The following CASQ2 variants were observed in gnomAD, a reference collection of about 807,000 sequenced individuals.
CASQ2 encodes calsequestrin 2, also known as calsequestrin-2.
A neutral mutation model predicts 46.5 loss-of-function variants in CASQ2; 49 were observed. That is an observed-to-expected ratio of 1.05 (90% CI 0.84 to 1.34). The LOEUF (loss-of-function observed/expected upper bound fraction) is 1.34, where lower values mean the gene tolerates loss of function less well. Ranked by LOEUF, CASQ2 falls within the 40% of genes most tolerant of loss-of-function variation. CASQ2 has a pLI of 0.00. For synonymous variants in CASQ2, 174 were observed against 168.5 expected (o/e 1.03, Z -0.25); for missense variants, 486 against 481.3 (o/e 1.01, Z -0.09).
intron 8 of CASQ2, among the ~76,000 whole-genome samples, chr1:115,705,834 T>A (rs1406159279): frequency 7.0e-6 from 1 of 141,998 alleles, no homozygotes; most frequent in Non-Finnish European, 1.6e-5. Context: ...CCCTCCCTAT[T>A]TCCTTGTATA....
intron 1 of CASQ2, among the ~76,000 whole-genome samples, chr1:115,751,023 T>C (rs984264543): frequency 4.3e-4 from 63 of 147,834 alleles, no homozygotes; most frequent in African/African-American, 1.5e-3. Context: ...GAGACCCGTA[T>C]TATTGACTTG....
At chr1:115,734,581 T>G (rs1268566926) in intron 4 of CASQ2, among the ~76,000 whole-genome samples, 1 of 152,180 alleles carries the variant, frequency 6.6e-6, no homozygotes, top group African/African-American at 2.4e-5. Flanking sequence ...GGAGCTCAGG[T>G]CATCTCTAGG....
intron 6 of CASQ2, among the ~76,000 whole-genome samples, chr1:115,726,337 T>A (rs908235819): frequency 6.6e-6 from 1 of 152,218 alleles, no homozygotes; most frequent in Non-Finnish European, 1.5e-5. Context: ...AAATAAACTT[T>A]TACTGGTACA....
intron 4 of CASQ2, among the ~76,000 whole-genome samples, chr1:115,734,316 C>T (rs560009007): frequency 6.6e-6 from 1 of 152,294 alleles, no homozygotes; most frequent in East Asian, 1.9e-4. Context: ...AATCCTCTAT[C>T]CCCCTCTTTT....
chr1:115,768,070 C>T (rs751573514), intron 1 of CASQ2, among the ~76,000 whole-genome samples: 20 of 152,184 alleles, frequency 1.3e-4, no homozygotes, highest in South Asian at 6.2e-4. Flanking sequence ...GACTTTACAT[C>T]AGACCCATCG....
intron 2 of CASQ2, among the ~76,000 whole-genome samples, chr1:115,741,560 A>T (rs10801964): frequency 0.71 from 108,092 of 152,062 alleles, 42,128 homozygotes; most frequent in Non-Finnish European, 0.88. Context: ...GGTATCCCAG[A>T]GCCTTGTACA....
rs1158765900 is a variant in CASQ2 at position 115,700,938 on chromosome 1, G to A, written c.*303C>T. ...GTTAGGGGATTGTTCACCCTAGACT[G>A]CCATGTTCAGGCACTGCCATGACCC... On this transcript the variant is annotated 3_prime_UTR_variant, in exon 11 of 11. Coordinates refer to ENST00000261448, the MANE Select transcript of CASQ2 (RefSeq NM_001232.4). 1.3e-4 allele frequency: 80 copies of A among 604,782 alleles called. No individual in the cohort carries two copies. In the Admixed American group the frequency reaches 2.4e-3, roughly 18 times the overall value. The allele number at this position is 604,782 out of a possible 1,614,324, so 37.5% of individuals were successfully genotyped here.
chr1:115,737,926 C>T lies in CASQ2; in HGVS notation c.532+298G>A, dbSNP rs372184719. ...GCTTGTCCCATTGTAGGGGAGAATC[C>T]GACTGGGAGGTGGGTAGGCAGGAAA... On this transcript the variant is annotated intron_variant, in intron 4 of 10. Transcript: ENST00000261448. 1.3e-4 allele frequency among the ~76,000 whole-genome samples: 20 copies of T among 152,278 alleles called. No homozygotes were observed. In the East Asian group the frequency reaches 2.9e-3, roughly 22 times the overall value.
intron 1 of CASQ2, among the ~76,000 whole-genome samples, chr1:115,746,477 G>A (rs541248558): frequency 2.6e-5 from 4 of 152,240 alleles, no homozygotes; most frequent in South Asian, 2.1e-4. Context: ...GTTTTTCCAC[G>A]TCTTTGTCAG....
chr1:115,716,979 T>A (rs1369616912), intron 8 of CASQ2, among the ~76,000 whole-genome samples: 1 of 152,120 alleles, frequency 6.6e-6, no homozygotes, highest in East Asian at 1.9e-4. Context: ...GTGGGGGTGG[T>A]TTCTTATGAT....
intron 7 of CASQ2, among the ~76,000 whole-genome samples, chr1:115,721,069 C>T (rs918136831): frequency 2.6e-5 from 4 of 152,156 alleles, no homozygotes; most frequent in South Asian, 2.1e-4. Context: ...AAGAAAAATG[C>T]GGTTAAAATA....
chr1:115,716,509 A>T (rs1654705939), intron 8 of CASQ2, among the ~76,000 whole-genome samples: 1 of 152,128 alleles, frequency 6.6e-6, no homozygotes, highest in South Asian at 2.1e-4. Flanking sequence ...AAAATAGGTA[A>T]ATAAACTTTT....
chr1:115,748,666 T>C (rs1174549532), intron 1 of CASQ2, among the ~76,000 whole-genome samples: 1 of 152,240 alleles, frequency 6.6e-6, no homozygotes, highest in Non-Finnish European at 1.5e-5. Context: ...TGCAAGTCAC[T>C]TGGCTTCACT....
chr1:115,751,614 G>C (rs967895987), intron 1 of CASQ2, among the ~76,000 whole-genome samples: 9 of 151,972 alleles, frequency 5.9e-5, no homozygotes, highest in African/African-American at 2.2e-4. Flanking sequence ...GGAGCTTGCA[G>C]TGAGCCGAGA....
intron 8 of CASQ2, among the ~76,000 whole-genome samples, chr1:115,716,822 G>C (rs961720066): frequency 6.6e-6 from 1 of 152,170 alleles, no homozygotes; most frequent in African/African-American, 2.4e-5. Flanking sequence ...CACAAGACTT[G>C]TTGTCCCTTC....
intron 5 of CASQ2, 40 bp downstream of exon 5, chr1:115,732,861 C>G: frequency 2.2e-6 from 3 of 1,383,014 alleles, no homozygotes; most frequent in Non-Finnish European, 3.1e-6. Flanking sequence ...ATTCTTCATG[C>G]CTACAAAACT....
intron 1 of CASQ2, among the ~76,000 whole-genome samples, chr1:115,749,421 C>T (rs1056099819): frequency 2.0e-5 from 3 of 152,062 alleles, no homozygotes; most frequent in African/African-American, 7.2e-5. Flanking sequence ...TTCCCGATTC[C>T]CTGGTTAACT....
intron 8 of CASQ2, among the ~76,000 whole-genome samples, chr1:115,708,071 C>T (rs985531354): frequency 1.3e-5 from 2 of 152,140 alleles, no homozygotes; most frequent in African/African-American, 4.8e-5. Context: ...CAAGAACTTA[C>T]CTACTACGTT....
intron 7 of CASQ2, among the ~76,000 whole-genome samples, chr1:115,724,217 G>A (rs1012961348): frequency 3.9e-5 from 6 of 152,186 alleles, no homozygotes; most frequent in Non-Finnish European, 5.9e-5. Context: ...AGAACTAATG[G>A]TTTTTAGTTA....
Sources: gnomAD v4.1 joint callset for allele counts (sites outside exome capture counted in the v4.1 genomes callset) on GRCh38, gnomAD v4.1.1 for gene constraint, MANE v1.5 for transcripts, NCBI Gene and HGNC (gene_info 2026-07-23, HGNC 2026-07-21) for gene names.